Variants in RYK observed in about 807,000 individuals in gnomAD.
The protein encoded by RYK is receptor like tyrosine kinase, also known as inactive tyrosine-protein kinase RYK.
A neutral mutation model predicts 70.2 loss-of-function variants in RYK; 21 were observed. The ratio of observed to expected loss-of-function variants is 0.30; its 90% confidence interval spans 0.21 to 0.43. RYK has a LOEUF of 0.43. Among genes scored for constraint, RYK ranks in the 20% least tolerant of loss-of-function variants. The probability of loss-of-function intolerance (pLI) is 1.00; values close to 1 mark genes in which losing one functional copy is unlikely to be tolerated. For missense variants in RYK, 604 were observed against 753.3 expected (o/e 0.80, Z 2.32); for synonymous variants, 267 against 278.0 (o/e 0.96, Z 0.39).
At chr3:134,242,263 C>A (rs2015342289) in intron 1 of RYK, among the ~76,000 whole-genome samples, 1 of 151,772 alleles carries the variant, frequency 6.6e-6, no homozygotes, top group Non-Finnish European at 1.5e-5. Context: ...CGAGATCATG[C>A]CATTACACTC....
chr3:134,195,049 G>A lies in RYK; in HGVS notation c.889+33C>T, dbSNP rs779787000. Reference sequence around the variant, plus strand: ...CTGGGAAGCAGCATAGACAACTTGAGTAAACTGGCTTTAGAATTAAATTAA... The same window carrying A: ...CTGGGAAGCAGCATAGACAACTTGAATAAACTGGCTTTAGAATTAAATTAA... On this transcript the variant is annotated intron_variant, in intron 7 of 14. Transcript: ENST00000623711. The A allele has an allele frequency of 9.5e-6, 14 of 1,476,666 alleles. No homozygotes were observed. In the African/African-American group the frequency reaches 1.1e-4, roughly 12 times the overall value. 91.5% of individuals were successfully genotyped at this position (1,476,666 alleles called of 1,614,324 possible). A position where few individuals can be genotyped will look rare whatever the true frequency, so the allele number is the denominator to read the frequency against.
chr3:134,218,039 C>A (rs60306078), intron 2 of RYK, among the ~76,000 whole-genome samples: 35 of 152,222 alleles, frequency 2.3e-4, no homozygotes, highest in African/African-American at 8.2e-4. Context: ...AAATTTTATA[C>A]CTGTTACAGA....
At chr3:134,199,634 G>A (rs1002939823) in intron 6 of RYK, among the ~76,000 whole-genome samples, 2 of 152,208 alleles carry the variant, frequency 1.3e-5, no homozygotes, top group Admixed American at 6.5e-5. Flanking sequence ...TGCAGAGAGA[G>A]AAGCAGCAGA....
At chr3:134,197,295 C>A (rs2013847695) in intron 6 of RYK, among the ~76,000 whole-genome samples, 1 of 152,098 alleles carries the variant, frequency 6.6e-6, no homozygotes, top group African/African-American at 2.4e-5. Flanking sequence ...AGATGAAGAG[C>A]ATAAACCGTG....
intron 2 of RYK, among the ~76,000 whole-genome samples, chr3:134,212,212 G>A (rs1354371296): frequency 3.3e-5 from 5 of 152,158 alleles, no homozygotes; most frequent in Non-Finnish European, 1.5e-5. Context: ...GGGAAGACAG[G>A]CAACCCATGA....
intron 9 of RYK, among the ~76,000 whole-genome samples, chr3:134,185,039 G>GT (rs34447726): frequency 0.098 from 14,756 of 150,684 alleles, 928 homozygotes; most frequent in East Asian, 0.35. Context: ...GGTGGCTGAG[G>GT]TGGGGGATTG....
At chr3:134,241,002 G>C (rs2015307682) in intron 1 of RYK, among the ~76,000 whole-genome samples, 2 of 152,036 alleles carry the variant, frequency 1.3e-5, no homozygotes, top group African/African-American at 2.4e-5. Context: ...TCTGAAAGTT[G>C]TGACAAACAC....
rs540714708 is a variant in RYK, at chr3:134,157,462, A to C, written c.*691T>G. 1.2e-4 allele frequency: 18 copies of C among 152,386 alleles called. No homozygotes were observed. The highest frequency in any genetic ancestry group is 4.1e-4 in the African/African-American group (17 of 41,596). The allele number at this position is 152,386 out of a possible 1,614,324, so 9.4% of individuals were successfully genotyped here. A position where few individuals can be genotyped will look rare whatever the true frequency, so the allele number is the denominator to read the frequency against. ...CTAATTTCTGCCAAATTAAAGATGT[A>C]ATGAACTCAGTTCCTGCTTTCCCAA... On this transcript the variant is annotated 3_prime_UTR_variant, in exon 15 of 15. Coordinates refer to ENST00000623711, the MANE Select transcript of RYK (RefSeq NM_002958.4).
chr3:134,210,599 C>T (rs1037252454), intron 3 of RYK, among the ~76,000 whole-genome samples: 4 of 152,172 alleles, frequency 2.6e-5, no homozygotes, highest in Non-Finnish European at 5.9e-5. Context: ...AGTTTCACAA[C>T]ACTATTGTGG....
chr3:134,234,180 T>A (rs1053858691), intron 1 of RYK, among the ~76,000 whole-genome samples: 1 of 152,074 alleles, frequency 6.6e-6, no homozygotes, highest in Non-Finnish European at 1.5e-5. Context: ...CGACAACTCA[T>A]TAATACAAAA....
At chr3:134,223,989 A>T (rs1288904930) in intron 1 of RYK, among the ~76,000 whole-genome samples, 1 of 152,242 alleles carries the variant, frequency 6.6e-6, no homozygotes, top group East Asian at 1.9e-4. Flanking sequence ...TCATTAATGC[A>T]GAAATGAAAT....
chr3:134,184,269 G>A (rs1393042194), intron 9 of RYK, among the ~76,000 whole-genome samples: 3 of 152,086 alleles, frequency 2.0e-5, no homozygotes, highest in African/African-American at 7.2e-5. Flanking sequence ...CAGAACAAAT[G>A]AACTTTTAGG....
intron 2 of RYK, among the ~76,000 whole-genome samples, chr3:134,214,077 G>A (rs1203169453): frequency 2.0e-5 from 3 of 152,078 alleles, no homozygotes; most frequent in Non-Finnish European, 4.4e-5. Context: ...ACATTGCTGA[G>A]ATTACAGGTG....
intron 6 of RYK, among the ~76,000 whole-genome samples, chr3:134,199,803 C>T (rs1560013312): frequency 6.6e-6 from 1 of 151,958 alleles, no homozygotes; most frequent in South Asian, 2.1e-4. Flanking sequence ...GCTTCTGGGT[C>T]GGGTGGGGAC....
intron 2 of RYK, among the ~76,000 whole-genome samples, chr3:134,215,204 G>A (rs1007903934): frequency 1.3e-5 from 2 of 151,462 alleles, no homozygotes; most frequent in African/African-American, 4.9e-5. Context: ...CCTGGCAAAG[G>A]GGTCCAGGGC....
At chr3:134,176,708 T>C (rs1420506640) in intron 11 of RYK, among the ~76,000 whole-genome samples, 2 of 152,054 alleles carry the variant, frequency 1.3e-5, no homozygotes, top group Non-Finnish European at 2.9e-5. Flanking sequence ...ATCACACCAC[T>C]GCCCTCTACC....
In RYK at chr3:134,159,218, CA is replaced by C; in HGVS notation, c.1712+18del. The stretch of plus-strand genomic sequence containing the variant: ...GTAAATGGAATAAAACTCATGCCTT[CA>C]AGCTCAAAAAAACTCACAATTCATC... On this transcript the variant is annotated intron_variant, in intron 14 of 14. Transcript: ENST00000623711. The C allele has an allele frequency of 6.2e-7, 1 of 1,613,382 alleles. No homozygotes were observed.
intron 2 of RYK, among the ~76,000 whole-genome samples, chr3:134,219,389 G>A (rs2014663840): frequency 6.6e-6 from 1 of 152,118 alleles, no homozygotes; most frequent in South Asian, 2.1e-4. Context: ...AGTCCTGACT[G>A]CCACTTCCCA....
chr3:134,220,203 A>C (rs1576527565), intron 2 of RYK, among the ~76,000 whole-genome samples: 1 of 152,224 alleles, frequency 6.6e-6, no homozygotes, highest in South Asian at 2.1e-4. Context: ...CAAAAAACAC[A>C]AAGAAAGGCT....
Sources: gnomAD v4.1 joint callset for allele counts (sites outside exome capture counted in the v4.1 genomes callset) on GRCh38, gnomAD v4.1.1 for gene constraint, MANE v1.5 for transcripts, NCBI Gene and HGNC (gene_info 2026-07-23, HGNC 2026-07-21) for gene names.